The following MUC20 variants were observed in gnomAD, a reference collection of about 807,000 sequenced individuals.
MUC20 encodes mucin-20.
A neutral mutation model predicts 23.8 loss-of-function variants in MUC20; 14 were observed. That is an observed-to-expected ratio of 0.59 (90% CI 0.39 to 0.92). The LOEUF (loss-of-function observed/expected upper bound fraction) is 0.92. Among genes scored for constraint, MUC20 ranks in the 40% least tolerant of loss-of-function variants. MUC20 has a pLI of 0.00. For missense variants in MUC20, 375 were observed against 668.8 expected (o/e 0.56, Z 4.85); for synonymous variants, 166 against 279.3 (o/e 0.59, Z 4.04).
chr3:195,728,425 G>A (rs372932060), intron 2 of MUC20, among the ~76,000 whole-genome samples: 28 of 152,392 alleles, frequency 1.8e-4, no homozygotes, highest in Admixed American at 5.2e-4. Context: ...GGATGTGCAC[G>A]TAGGCCAGAT....
intron 3 of MUC20, among the ~76,000 whole-genome samples, chr3:195,731,517 T>G (rs1236722806): frequency 6.6e-6 from 1 of 152,168 alleles, no homozygotes; most frequent in Non-Finnish European, 1.5e-5. Context: ...GCTTGGAAAA[T>G]AGGCAGGAGG....
rs373375459 is a variant in MUC20 at position 195,726,553 on chromosome 3, G to A, written c.1950G>A (p.Pro650=). The change falls in exon 2 of 4, where the codon CCG becomes CCA. Residue 650 remains proline, a synonymous_variant. Coordinates refer to ENST00000447234, the MANE Select transcript of MUC20 (RefSeq NM_001282506.2). ...CGCCCACGACTGCCCGGACGAGGCCGACCACAGACGTGAGTGCAGGTAAGT... is the reference window on the plus strand; with the variant it reads ...CGCCCACGACTGCCCGGACGAGGCCAACCACAGACGTGAGTGCAGGTAAGT... ...TATPTTARTR[P]TTDVSAGENG... 1,111 of 1,611,076 alleles carry A rather than the reference G, an allele frequency of 6.9e-4. No individual in the cohort carries two copies. Among genetic ancestry groups the A allele is most frequent in the Non-Finnish European group, 6.3e-4 (736 of 1,177,514 alleles).
In MUC20 at chr3:195,729,479, G is replaced by T. The variant is rs1713130187; in HGVS notation, c.1970-169G>T. 11 of 661,158 alleles carry T rather than the reference G, an allele frequency of 1.7e-5. No individual in the cohort carries two copies. In the Admixed American group the frequency reaches 2.8e-4, roughly 17 times the overall value. 41.0% of individuals were successfully genotyped at this position (661,158 alleles called of 1,614,324 possible). A position where few individuals can be genotyped will look rare whatever the true frequency, so the allele number is the denominator to read the frequency against. ...TTACAGGCACGCACCACCATGCCCG[G>T]CTCATTTTGTGTTTTTAGTAAAGAC... On this transcript the variant is annotated intron_variant, in intron 2 of 3. Transcript: ENST00000447234.
intron 3 of MUC20, 120 bp from the exon 4 acceptor site, chr3:195,733,030 C>T: frequency 1.9e-6 from 2 of 1,060,956 alleles, no homozygotes; most frequent in Non-Finnish European, 2.8e-6. Context: ...ATGTAGGAGG[C>T]CCAGGAAGGG....
chr3:195,723,200 A>T (rs1248161370), intron 1 of MUC20, among the ~76,000 whole-genome samples: 3 of 148,150 alleles, frequency 2.0e-5, no homozygotes, highest in African/African-American at 7.6e-5. Context: ...GGGAGCTGCA[A>T]CCGAGGCTCT....
intron 2 of MUC20, 104 bp from the exon 3 acceptor site, chr3:195,729,544 G>A (rs757676247): frequency 1.4e-5 from 15 of 1,096,568 alleles, no homozygotes; most frequent in African/African-American, 3.1e-5. Flanking sequence ...TCAAACTCCC[G>A]ATCTCAGGTG....
At chr3:195,732,072 T>C (rs867326646) in intron 3 of MUC20, among the ~76,000 whole-genome samples, 1 of 152,152 alleles carries the variant, frequency 6.6e-6, no homozygotes, top group Non-Finnish European at 1.5e-5. Context: ...GGTGCGATCT[T>C]GGCTCACCAC....
In MUC20 at chr3:195,733,261, G is replaced by C; in HGVS notation, c.*43G>C. On this transcript the variant is annotated 3_prime_UTR_variant, in exon 4 of 4. Coordinates refer to ENST00000447234, the MANE Select transcript of MUC20 (RefSeq NM_001282506.2). Reference sequence around the variant, plus strand: ...CAGGCATGTCCCGTATGCCAAAAGAGGGTGCTGCCCCTAGCCTGGGCCCCC... The same window carrying C: ...CAGGCATGTCCCGTATGCCAAAAGACGGTGCTGCCCCTAGCCTGGGCCCCC... 1 of 1,562,228 alleles carries C rather than the reference G, an allele frequency of 6.4e-7. No individual in the cohort carries two copies. Among genetic ancestry groups the C allele is most frequent in the Non-Finnish European group, 8.7e-7 (1 of 1,153,722 alleles).
intron 2 of MUC20, chr3:195,729,335 T>TTTTA: frequency 1.7e-5 from 3 of 173,392 alleles, no homozygotes; most frequent in Non-Finnish European, 2.1e-5. Context: ...TTTTTTTTTT[T>TTTTA]GAGACAGTTT....
chr3:195,721,429 A>G (rs1316200320), intron 1 of MUC20, among the ~76,000 whole-genome samples: 1 of 151,700 alleles, frequency 6.6e-6, no homozygotes, highest in Admixed American at 6.6e-5. Context: ...TGGGGCACGG[A>G]GCGGGGGTGC....
intron 3 of MUC20, among the ~76,000 whole-genome samples, chr3:195,731,216 C>T (rs1447741781): frequency 1.3e-5 from 2 of 152,244 alleles, no homozygotes; most frequent in Non-Finnish European, 2.9e-5. Context: ...TTCAGCACCT[C>T]TCACAGTCAA....
chr3:195,731,426 CCT>C (rs1167691715), intron 3 of MUC20, among the ~76,000 whole-genome samples: 2 of 152,220 alleles, frequency 1.3e-5, no homozygotes, highest in East Asian at 3.9e-4. Flanking sequence ...CGAAAGAAAA[CCT>C]CTGTCTGTCG....
At chr3:195,730,501 A>T (rs1577862971) in intron 3 of MUC20, among the ~76,000 whole-genome samples, 1 of 149,622 alleles carries the variant, frequency 6.7e-6, no homozygotes, top group African/African-American at 2.5e-5. Flanking sequence ...GCCCGCCACC[A>T]CGCCCAACTA....
intron 1 of MUC20, chr3:195,721,852 A>AC (rs1712147129): frequency 6.5e-6 from 1 of 152,884 alleles, no homozygotes; most frequent in Non-Finnish European, 1.5e-5. Context: ...ACATGGAGAA[A>AC]CCCCGTCTCT....
intron 2 of MUC20, among the ~76,000 whole-genome samples, chr3:195,728,591 CA>C (rs1165150125): frequency 1.4e-4 from 22 of 152,230 alleles, no homozygotes; most frequent in African/African-American, 5.1e-4. Flanking sequence ...ATTCAGTTCC[CA>C]GGGGCAGGCA....
intron 3 of MUC20, among the ~76,000 whole-genome samples, chr3:195,731,762 C>T (rs1713408693): frequency 1.3e-5 from 2 of 152,266 alleles, no homozygotes; most frequent in South Asian, 4.1e-4. Context: ...CCCATGAGCC[C>T]ACAGCCAGGT....
At chr3:195,729,327 T>G (rs375332500) in intron 2 of MUC20, 11,826 of 243,792 alleles carry the variant, frequency 0.049, 32 homozygotes, top group Middle Eastern at 0.076. Flanking sequence ...TTTTTTTTTT[T>G]TTTTTTTTGA....
chr3:195,729,341 A>C (rs1243631476), intron 2 of MUC20: 6 of 205,644 alleles, frequency 2.9e-5, no homozygotes, highest in Middle Eastern at 1.6e-3. Context: ...TTTTTGAGAC[A>C]GTTTCGCTCT....
At chr3:195,727,353 C>T (rs576460547) in intron 2 of MUC20, among the ~76,000 whole-genome samples, 1 of 152,212 alleles carries the variant, frequency 6.6e-6, no homozygotes, top group East Asian at 1.9e-4. Context: ...TGAGCTGAGA[C>T]GGAGTGAAAC....
Sources: gnomAD v4.1 joint callset for allele counts (sites outside exome capture counted in the v4.1 genomes callset) on GRCh38, gnomAD v4.1.1 for gene constraint, MANE v1.5 for transcripts, NCBI Gene and HGNC (gene_info 2026-07-23, HGNC 2026-07-21) for gene names.